Variants in PAK6 observed in about 807,000 individuals in gnomAD.
The protein encoded by PAK6 is p21 (RAC1) activated kinase 6, also known as serine/threonine-protein kinase PAK 6.
In PAK6, 33 loss-of-function variants were observed where a neutral mutation model predicts 60.8. The ratio of observed to expected loss-of-function variants is 0.54; its 90% CI spans 0.41 to 0.73. The LOEUF is 0.73. PAK6 is among the 30% of genes least tolerant of loss of function. The pLI is 0.00. For synonymous variants in PAK6, 404 were observed against 378.5 expected (o/e 1.07, Z -0.78); for missense variants, 845 against 904.1 (o/e 0.93, Z 0.84).
intron 1 of PAK6, 37 bp from the exon 2 acceptor site, chr15:40,240,562 C>CTTTTTTTTTTCT: frequency 3.1e-6 from 1 of 320,512 alleles, no homozygotes; most frequent in Non-Finnish European, 5.7e-6. Flanking sequence ...TTTTCTTTTC[C>CTTTTTTTTTTCT]TTTTTTTTTT....
At chr15:40,277,200 C>T (rs983318069) in exon 11 of PAK6, 1 of 152,280 alleles carries the variant, frequency 6.6e-6, no homozygotes, top group Admixed American at 6.5e-5. Flanking sequence ...AACCATCTGC[C>T]CCAGCTGCCT....
At chr15:40,273,280 C>T (rs1409026300) in intron 7 of PAK6, 66 bp from the exon 8 acceptor site, 18 of 1,572,310 alleles carry the variant, frequency 1.1e-5, no homozygotes, top group Non-Finnish European at 1.3e-5. Flanking sequence ...CTACTCTGCT[C>T]AGCCACCCCA....
chr15:40,254,162 C>T (rs2140959531), intron 3 of PAK6, among the ~76,000 whole-genome samples: 1 of 152,316 alleles, frequency 6.6e-6, no homozygotes, highest in South Asian at 2.1e-4. Flanking sequence ...AGTTGCTTCA[C>T]TTCTCTACAA....
Position 40,273,541 on chromosome 15 carries a change from T to G in PAK6, c.1618-10T>G, listed in dbSNP as rs376491276. The G allele has an allele frequency of 6.2e-7, 1 of 1,613,946 alleles. No individual in the cohort carries two copies. Among genetic ancestry groups the G allele is most frequent in the African/African-American group, 1.3e-5 (1 of 75,044 alleles). ...TCCTGATCCACCACTCACTCCCTTT[T>G]CAACCGCAGGTGAAGCTCTCGGACT... On this transcript the variant is annotated splice_polypyrimidine_tract_variant and intron_variant, in intron 8 of 10. Coordinates refer to ENST00000560346, the Ensembl canonical transcript of PAK6.
At chr15:40,271,710 C>G (rs1055091756) in intron 5 of PAK6, among the ~76,000 whole-genome samples, 1 of 151,210 alleles carries the variant, frequency 6.6e-6, no homozygotes, top group Non-Finnish European at 1.5e-5. Context: ...TGTGGCTCCC[C>G]TGCCTTGGTT....
At chr15:40,248,114 G>T (rs2140947229) in intron 2 of PAK6, among the ~76,000 whole-genome samples, 1 of 152,304 alleles carries the variant, frequency 6.6e-6, no homozygotes, top group East Asian at 1.9e-4. Flanking sequence ...AGTCTTGCGA[G>T]GCAAGAGGGC....
chr15:40,243,880 G>A (rs1343530172), intron 2 of PAK6, among the ~76,000 whole-genome samples: 1 of 152,180 alleles, frequency 6.6e-6, no homozygotes, highest in East Asian at 1.9e-4. Flanking sequence ...CTCCTTTTGG[G>A]GACTGGAAGC....
intron 3 of PAK6, chr15:40,259,264 G>C (rs557882381): frequency 1.3e-5 from 2 of 152,512 alleles, no homozygotes; most frequent in African/African-American, 4.8e-5. Context: ...CAGCCCAGTG[G>C]CCTTGGAGAC....
intron 2 of PAK6, among the ~76,000 whole-genome samples, chr15:40,249,776 C>T (rs537024195): frequency 1.4e-4 from 22 of 152,378 alleles, no homozygotes; most frequent in African/African-American, 5.3e-4. Flanking sequence ...CAGGCCCCGA[C>T]AGCCACAGGC....
At chr15:40,265,562 G>A (rs911602740) in intron 4 of PAK6, among the ~76,000 whole-genome samples, 4 of 152,234 alleles carry the variant, frequency 2.6e-5, no homozygotes, top group African/African-American at 4.8e-5. Flanking sequence ...TGGCCCAGCC[G>A]ACCACACCCC....
rs1423409354 is a variant in PAK6 at position 40,243,498 on chromosome 15, C to G, written c.-118+2817C>G. 2.6e-5 allele frequency among the ~76,000 whole-genome samples: 4 copies of G among 152,208 alleles called. No homozygotes were observed. The East Asian group carries it at 7.7e-4, about 29-fold the overall frequency. Reference sequence around the variant, plus strand: ...TAAGTGAATGCTCTGAATGGCATGACTGGCACATACGTACATGTTCAGCAA... The same window carrying G: ...TAAGTGAATGCTCTGAATGGCATGAGTGGCACATACGTACATGTTCAGCAA... On this transcript the variant is annotated intron_variant, in intron 2 of 10. Transcript: ENST00000560346.
intron 2 of PAK6, among the ~76,000 whole-genome samples, chr15:40,243,383 A>T (rs1595562315): frequency 6.6e-6 from 1 of 152,172 alleles, no homozygotes; most frequent in Non-Finnish European, 1.5e-5. Flanking sequence ...AAGTTACTTC[A>T]TGTCTCTGGG....
rs1472958430 is a variant in PAK6, at chr15:40,262,556, AAGG to A, written c.-5-2217_-5-2215del. 7.2e-5 allele frequency among the ~76,000 whole-genome samples: 11 copies of A among 152,300 alleles called. No homozygotes were observed. The East Asian group carries it at 1.9e-3, about 27-fold the overall frequency. ...CAACAACAAAAAAGGCAAAGGCCAA[AAGG>A]AGGAGGACAAATTTTACCAAACCAT... On this transcript the variant is annotated intron_variant, in intron 3 of 10. Transcript: ENST00000560346.
At chr15:40,276,305 C>A (rs2039454024) in exon 11 of PAK6, 3 of 573,442 alleles carry the variant, frequency 5.2e-6, no homozygotes, top group Non-Finnish European at 6.2e-6. Flanking sequence ...CAGATGGAGA[C>A]CCCTTTCTAC....
At chr15:40,266,047 G>C in exon 5 of PAK6, 1 of 1,608,062 alleles carries the variant, frequency 6.2e-7, no homozygotes, top group Non-Finnish European at 8.5e-7. Flanking sequence ...CAGTCTGAGC[G>C]CACTGACCCC....
intron 2 of PAK6, chr15:40,252,044 G>C (rs1595572168): frequency 4.1e-6 from 1 of 245,966 alleles, no homozygotes; most frequent in East Asian, 1.3e-4. Context: ...GCTGACAAGG[G>C]AACTGGAATC....
exon 4 of PAK6, chr15:40,264,985 T>C: frequency 6.2e-7 from 1 of 1,612,934 alleles, no homozygotes; most frequent in Non-Finnish European, 8.5e-7. Flanking sequence ...CTCCAGCCCA[T>C]GAAGGTAAGA....
intron 2 of PAK6, among the ~76,000 whole-genome samples, chr15:40,249,637 T>C (rs895469392): frequency 6.6e-6 from 1 of 152,208 alleles, no homozygotes; most frequent in Non-Finnish European, 1.5e-5. Context: ...ACTTTTCAAG[T>C]CATGGAGCAG....
chr15:40,242,483 T>G (rs2038381891), intron 2 of PAK6, among the ~76,000 whole-genome samples: 1 of 152,102 alleles, frequency 6.6e-6, no homozygotes, highest in Non-Finnish European at 1.5e-5. Flanking sequence ...CCAGTAAAGC[T>G]CATCAGGAGG....
Sources: allele counts gnomAD v4.1 joint callset (sites outside exome capture counted in the v4.1 genomes callset), GRCh38; gene constraint gnomAD v4.1.1; transcripts MANE v1.5; gene names NCBI Gene and HGNC (gene_info 2026-07-23, HGNC 2026-07-21).